The following ASTN2 variants were observed in gnomAD, a reference collection of about 807,000 sequenced individuals.
ASTN2 encodes the protein astrotactin-2.
A neutral mutation model predicts 139.8 loss-of-function variants in ASTN2; 54 were observed. The ratio of observed to expected loss-of-function variants is 0.39; its 90% CI spans 0.31 to 0.48. The LOEUF is 0.48. Ranked by LOEUF, ASTN2 falls within the 20% of genes least tolerant of loss-of-function variation. The pLI, the probability that ASTN2 is intolerant of heterozygous loss-of-function variation, is 0.95. For synonymous variants in ASTN2, 756 were observed against 719.5 expected (o/e 1.05, Z -0.81); for missense variants, 1,565 against 1,725.1 (o/e 0.91, Z 1.64).
At chr9:117,298,670 G>GTATATATATATA (rs148601803) in intron 1 of ASTN2, among the ~76,000 whole-genome samples, 36 of 136,462 alleles carry the variant, frequency 2.6e-4, no homozygotes, top group South Asian at 1.5e-3. Flanking sequence ...ATATATATGT[G>GTATATATATATA]TATATATATA....
In ASTN2 at chr9:116,542,310, TAAA is replaced by T. The variant is rs1428044330; in HGVS notation, c.3356-54813_3356-54811del. Among the ~76,000 whole-genome samples, 6 of 152,260 alleles carry T rather than the reference TAAA, an allele frequency of 3.9e-5. No individual in the cohort carries two copies. The East Asian group carries it at 7.7e-4, about 20-fold the overall frequency. ...CACCAACAAAATATTTTTAATGAAA[TAAA>T]AAGGTAACATAAACTTTTAGTGGTT... is the stretch of plus-strand genomic sequence containing the variant. On this transcript the variant is annotated intron_variant, in intron 19 of 22. Transcript: ENST00000313400.
intron 19 of ASTN2, among the ~76,000 whole-genome samples, chr9:116,530,159 A>C (rs1031690356): frequency 2.3e-5 from 3 of 128,076 alleles, no homozygotes; most frequent in African/African-American, 8.5e-5. Context: ...ATAAAATAGA[A>C]TATTATTAAT....
intron 1 of ASTN2, among the ~76,000 whole-genome samples, chr9:117,375,305 C>T (rs1464086623): frequency 6.6e-6 from 1 of 152,172 alleles, no homozygotes; most frequent in Non-Finnish European, 1.5e-5. Flanking sequence ...CAAGTTTATT[C>T]TCCAAGGGTC....
intron 3 of ASTN2, among the ~76,000 whole-genome samples, chr9:117,170,514 T>C (rs1830766984): frequency 1.3e-5 from 2 of 152,054 alleles, no homozygotes; most frequent in African/African-American, 4.8e-5. Context: ...ACTGCATCAA[T>C]AAGTAAAATA....
intron 13 of ASTN2, among the ~76,000 whole-genome samples, chr9:116,764,946 C>T (rs1213427891): frequency 6.6e-6 from 1 of 152,206 alleles, no homozygotes; most frequent in Non-Finnish European, 1.5e-5. Context: ...TTTGTATCTG[C>T]ATGTGCCTGC....
intron 1 of ASTN2, among the ~76,000 whole-genome samples, chr9:117,355,681 A>T (rs1405786104): frequency 6.6e-6 from 1 of 152,162 alleles, no homozygotes; most frequent in African/African-American, 2.4e-5. Flanking sequence ...TTACAATCTG[A>T]GGAGGATTCA....
chr9:116,806,756 G>T (rs1831039790), intron 12 of ASTN2, among the ~76,000 whole-genome samples: 2 of 152,044 alleles, frequency 1.3e-5, no homozygotes, highest in Admixed American at 1.3e-4. Flanking sequence ...CCTTAATTCA[G>T]TAGGATGCTA....
chr9:116,856,338 T>C (rs913307861), intron 11 of ASTN2, among the ~76,000 whole-genome samples: 4 of 152,202 alleles, frequency 2.6e-5, no homozygotes, highest in Non-Finnish European at 5.9e-5. Flanking sequence ...CCATGGAGGC[T>C]CAGCCCAGCT....
chr9:116,662,122 C>T (rs1037117801), intron 16 of ASTN2, among the ~76,000 whole-genome samples: 1 of 151,974 alleles, frequency 6.6e-6, no homozygotes, highest in African/African-American at 2.4e-5. Flanking sequence ...CAATTGAGTA[C>T]AAGTAGAGGA....
chr9:116,468,448 C>A (rs1346929167), intron 20 of ASTN2, among the ~76,000 whole-genome samples: 1 of 152,200 alleles, frequency 6.6e-6, no homozygotes, highest in African/African-American at 2.4e-5. Flanking sequence ...TCTTACCAAC[C>A]AGCATCAGGA....
At chr9:116,457,315 C>T (rs1477021475) in intron 20 of ASTN2, among the ~76,000 whole-genome samples, 1 of 151,946 alleles carries the variant, frequency 6.6e-6, no homozygotes, top group African/African-American at 2.4e-5. Flanking sequence ...GAGTAATAGC[C>T]CAAAAGTATA....
At chr9:117,103,204 C>T (rs1829024650) in intron 4 of ASTN2, among the ~76,000 whole-genome samples, 1 of 152,140 alleles carries the variant, frequency 6.6e-6, no homozygotes, top group Non-Finnish European at 1.5e-5. Context: ...AAGATAAAGC[C>T]TCAATAAAAC....
At chr9:117,220,726 G>T (rs1403488613) in intron 2 of ASTN2, among the ~76,000 whole-genome samples, 1 of 152,092 alleles carries the variant, frequency 6.6e-6, no homozygotes, top group Non-Finnish European at 1.5e-5. Context: ...CATGATTTTG[G>T]ACTTCTGGCC....
intron 19 of ASTN2, among the ~76,000 whole-genome samples, chr9:116,513,779 CAGCT>C (rs1850514555): frequency 6.6e-6 from 1 of 152,060 alleles, no homozygotes; most frequent in Non-Finnish European, 1.5e-5. Flanking sequence ...CCCTTTCTTC[CAGCT>C]GATCAAATCG....
intron 19 of ASTN2, among the ~76,000 whole-genome samples, chr9:116,522,097 C>A (rs931169163): frequency 3.9e-5 from 6 of 152,112 alleles, no homozygotes; most frequent in Admixed American, 1.3e-4. Context: ...CTATCGAAAA[C>A]AATTTGGAGA....
At chr9:116,547,637 C>A (rs1412164885) in intron 19 of ASTN2, 1 of 152,172 alleles carries the variant, frequency 6.6e-6, no homozygotes, top group Non-Finnish European at 1.5e-5. Context: ...CTGTGAAGAA[C>A]CTGTATCAGT....
chr9:117,058,203 A>G (rs1839121802), intron 5 of ASTN2, among the ~76,000 whole-genome samples: 1 of 152,318 alleles, frequency 6.6e-6, no homozygotes, highest in South Asian at 2.1e-4. Flanking sequence ...TGGATAAATG[A>G]ATGAATGGAC....
chr9:117,405,111 T>G (rs1830944596), intron 1 of ASTN2, among the ~76,000 whole-genome samples: 1 of 152,190 alleles, frequency 6.6e-6, no homozygotes, highest in African/African-American at 2.4e-5. Flanking sequence ...GCTCAGTCCC[T>G]TGGGCCTGTG....
intron 13 of ASTN2, among the ~76,000 whole-genome samples, chr9:116,770,378 A>C (rs1829926095): frequency 1.3e-5 from 2 of 152,174 alleles, no homozygotes; most frequent in Non-Finnish European, 2.9e-5. Flanking sequence ...GATTATAGCA[A>C]CAGCAGCTAC....
Sources: allele counts gnomAD v4.1 joint callset (sites outside exome capture counted in the v4.1 genomes callset), GRCh38; gene constraint gnomAD v4.1.1; transcripts MANE v1.5; gene names NCBI Gene and HGNC (gene_info 2026-07-23, HGNC 2026-07-21).